Variants in JKAMP observed in about 807,000 individuals in gnomAD.
JKAMP encodes the protein JNK1/MAPK8-associated membrane protein.
A neutral mutation model predicts 40.2 loss-of-function variants in JKAMP; 20 were observed. That is an observed-to-expected ratio of 0.50 (90% CI 0.35 to 0.72). The LOEUF (loss-of-function observed/expected upper bound fraction) is 0.72, where lower values mean the gene tolerates loss of function less well. Ranked by LOEUF, JKAMP falls within the 30% of genes least tolerant of loss-of-function variation. The pLI is 0.01. For missense variants in JKAMP, 276 were observed against 373.0 expected (o/e 0.74, Z 2.14); for synonymous variants, 138 against 131.6 (o/e 1.05, Z -0.33).
intron 3 of JKAMP, among the ~76,000 whole-genome samples, chr14:59,490,202 G>T (rs1890887393): frequency 1.3e-5 from 2 of 152,182 alleles, no homozygotes; most frequent in Non-Finnish European, 2.9e-5. Flanking sequence ...GATTATAGAT[G>T]TGAGCCACCA....
chr14:59,494,545 G>A (rs1384921582), intron 3 of JKAMP, among the ~76,000 whole-genome samples: 1 of 152,120 alleles, frequency 6.6e-6, no homozygotes, highest in Non-Finnish European at 1.5e-5. Context: ...AAAACTTTCT[G>A]GAAAAAAGTG....
intron 5 of JKAMP, among the ~76,000 whole-genome samples, chr14:59,499,216 C>T (rs10133708): frequency 0.39 from 58,968 of 150,768 alleles, 12,248 homozygotes; most frequent in African/African-American, 0.52. Context: ...TTAGTAGAGA[C>T]GGGGTTTCAC....
chr14:59,490,350 C>G (rs985318198), intron 3 of JKAMP, among the ~76,000 whole-genome samples: 2 of 152,168 alleles, frequency 1.3e-5, no homozygotes, highest in African/African-American at 2.4e-5. Flanking sequence ...CCCACTAGGC[C>G]CCACCTCACT....
At chr14:59,497,226 A>C (rs1891517514) in intron 4 of JKAMP, among the ~76,000 whole-genome samples, 1 of 152,166 alleles carries the variant, frequency 6.6e-6, no homozygotes, top group Non-Finnish European at 1.5e-5. Context: ...AACTTACTGC[A>C]AAAAAATAAC....
intron 1 of JKAMP, 89 bp from the exon 2 acceptor site, chr14:59,486,622 CTG>C (rs908528639): frequency 3.3e-5 from 28 of 845,112 alleles, no homozygotes; most frequent in African/African-American, 2.1e-4. Context: ...AAATTTGAAA[CTG>C]TTATTTTTGC....
At chr14:59,501,983 T>A (rs1891915982) in intron 6 of JKAMP, among the ~76,000 whole-genome samples, 1 of 152,172 alleles carries the variant, frequency 6.6e-6, no homozygotes, top group African/African-American at 2.4e-5. Flanking sequence ...AACGTTTATA[T>A]TTTCAAATAT....
At chr14:59,499,072 G>A (rs1199976290) in intron 5 of JKAMP, among the ~76,000 whole-genome samples, 164 bp downstream of exon 5, 1 of 120,494 alleles carries the variant, frequency 8.3e-6, no homozygotes, top group African/African-American at 3.3e-5. Context: ...TCACCAGGCT[G>A]GAGTACAGTG....
intron 4 of JKAMP, among the ~76,000 whole-genome samples, chr14:59,496,950 G>A (rs1203602068): frequency 6.7e-6 from 1 of 149,284 alleles, no homozygotes; most frequent in Non-Finnish European, 1.5e-5. Context: ...TGGTCAGACT[G>A]GGCTAAGCAC....
intron 3 of JKAMP, among the ~76,000 whole-genome samples, chr14:59,494,339 A>C (rs1255960158): frequency 6.6e-6 from 1 of 152,244 alleles, no homozygotes; most frequent in African/African-American, 2.4e-5. Flanking sequence ...AACAAATCAC[A>C]GTATTGTCAC....
At chr14:59,499,809 G>A (rs535203964) in intron 5 of JKAMP, among the ~76,000 whole-genome samples, 2 of 152,238 alleles carry the variant, frequency 1.3e-5, no homozygotes, top group Non-Finnish European at 1.5e-5. Flanking sequence ...GTTTACAGAT[G>A]AACTGTTTCA....
Position 59,495,087 on chromosome 14 carries a change from T to G in JKAMP, c.321T>G (p.Leu107=), listed in dbSNP as rs1891341861. 1 of 1,613,648 alleles carries G rather than the reference T, an allele frequency of 6.2e-7. No homozygotes were observed. Among genetic ancestry groups the G allele is most frequent in the Non-Finnish European group, 8.5e-7 (1 of 1,179,588 alleles). ...GCATGGCAGCTATTATCACCTTACT[T>G]GTGAGTGATCCAGTTGGTGTTCTTT... is the stretch of plus-strand genomic sequence containing the variant. The part of the protein sequence containing the change: ...ECSMAAIITL[L]VSDPVGVLYI... Residue 107 remains leucine (L), a synonymous_variant, in exon 4 of 7, where the codon CTT becomes CTG. Transcript: ENST00000616435.
intron 5 of JKAMP, among the ~76,000 whole-genome samples, chr14:59,499,574 A>C (rs1891719635): frequency 6.6e-6 from 1 of 152,208 alleles, no homozygotes; most frequent in African/African-American, 2.4e-5. Context: ...AACCTCACTT[A>C]CTACCAGGAG....
chr14:59,493,700 C>T (rs757918530), intron 3 of JKAMP, among the ~76,000 whole-genome samples: 1 of 152,090 alleles, frequency 6.6e-6, no homozygotes, highest in Non-Finnish European at 1.5e-5. Flanking sequence ...CATTAAGTTA[C>T]ATAGGATTTA....
chr14:59,498,561 G>A (rs145596932), intron 4 of JKAMP, among the ~76,000 whole-genome samples, 166 bp from the exon 5 acceptor site: 22 of 152,268 alleles, frequency 1.4e-4, no homozygotes, highest in Non-Finnish European at 2.5e-4. Context: ...CTTGCTAGCC[G>A]TGTATGACAG....
chr14:59,484,702 A>C (rs1890376915), intron 1 of JKAMP, 109 bp downstream of exon 1: 7 of 1,368,978 alleles, frequency 5.1e-6, no homozygotes, highest in African/African-American at 2.9e-5. Flanking sequence ...TTGGCGGCGC[A>C]GGCTCGCCCC....
At chr14:59,503,197 G>A (rs930991440) in intron 6 of JKAMP, among the ~76,000 whole-genome samples, 4 of 152,116 alleles carry the variant, frequency 2.6e-5, no homozygotes, top group African/African-American at 9.7e-5. Context: ...ACCTAAAACG[G>A]AAAAAGACAG....
chr14:59,489,334 T>G (rs568340504), intron 3 of JKAMP, among the ~76,000 whole-genome samples: 7 of 152,234 alleles, frequency 4.6e-5, no homozygotes, highest in African/African-American at 7.2e-5. Context: ...CACTCTTAAG[T>G]TCCAACTTCC....
chr14:59,485,007 C>A, intron 1 of JKAMP: 1 of 1,585,812 alleles, frequency 6.3e-7, no homozygotes, highest in Non-Finnish European at 8.5e-7. Flanking sequence ...GCGCCCGTCA[C>A]AAAGGGCAGG....
At position 59,487,747 on chromosome 14, in the gene JKAMP, A is replaced by T; in HGVS notation, c.170A>T (p.Asp57Val). The T allele has an allele frequency of 6.2e-7, 1 of 1,613,262 alleles. No individual in the cohort carries two copies. Among genetic ancestry groups the T allele is most frequent in the Non-Finnish European group, 8.5e-7 (1 of 1,179,364 alleles). ...TGCACAGAATCTCCTGAACTTTATGATTGGCTCTATCTTGGATTTATGGCA... is the reference window on the plus strand; with the variant it reads ...TGCACAGAATCTCCTGAACTTTATGTTTGGCTCTATCTTGGATTTATGGCA... Reference protein sequence around the residue: ...QPCTESPELYDWLYLGFMAML... With the variant: ...QPCTESPELYVWLYLGFMAML... The change falls in exon 3 of 7, where the codon GAT becomes GTT. Residue 57 changes from aspartate (D) to valine (V), a missense_variant. Asp to Val is a radical substitution (Grantham distance 152). Transcript: ENST00000616435.
Sources: gnomAD v4.1 joint callset for allele counts (sites outside exome capture counted in the v4.1 genomes callset) on GRCh38, gnomAD v4.1.1 for gene constraint, MANE v1.5 for transcripts, NCBI Gene and HGNC (gene_info 2026-07-23, HGNC 2026-07-21) for gene names.